SIMC1: variants seen among roughly 807,000 people sequenced by gnomAD.
SIMC1 encodes SUMO-interacting motif-containing protein 1.
SIMC1 carries 55 observed loss-of-function variants against 82.3 expected under a neutral mutation model. That is an observed-to-expected ratio of 0.67 (90% CI 0.54 to 0.84). SIMC1 has a LOEUF of 0.84. Ranked by LOEUF, SIMC1 falls within the 40% of genes least tolerant of loss-of-function variation. The pLI, the probability that SIMC1 is intolerant of heterozygous loss-of-function variation, is 0.00. For synonymous variants in SIMC1, 353 were observed against 426.3 expected (o/e 0.83, Z 2.12); for missense variants, 915 against 1,107.2 (o/e 0.83, Z 2.46).
At chr5:176,321,885 C>CTTTTTTTTTTT (rs11418187) in intron 5 of SIMC1, among the ~76,000 whole-genome samples, 37 of 90,728 alleles carry the variant, frequency 4.1e-4, no homozygotes, top group South Asian at 9.2e-4. Flanking sequence ...TTTTAGTTAG[C>CTTTTTTTTTTT]TTTTTTTTTT....
chr5:176,314,126 G>T (rs945187166), intron 5 of SIMC1, among the ~76,000 whole-genome samples: 1 of 152,134 alleles, frequency 6.6e-6, no homozygotes, highest in Non-Finnish European at 1.5e-5. Context: ...AATTAGCAGG[G>T]CGTGGTGGCG....
At chr5:176,245,736 A>G (rs189502608) in intron 1 of SIMC1, among the ~76,000 whole-genome samples, 158 of 152,254 alleles carry the variant, frequency 1.0e-3, no homozygotes, top group African/African-American at 3.4e-3. Context: ...ATAATAAACT[A>G]TGTGTGTATT....
intron 1 of SIMC1, among the ~76,000 whole-genome samples, chr5:176,268,310 G>A (rs1278671744): frequency 9.9e-6 from 1 of 101,184 alleles, no homozygotes; most frequent in Non-Finnish European, 2.0e-5. Flanking sequence ...AAGTGAACAT[G>A]TAAATAATTA....
intron 1 of SIMC1, among the ~76,000 whole-genome samples, chr5:176,285,752 C>A (rs1158607594): frequency 1.3e-5 from 2 of 152,052 alleles, no homozygotes; most frequent in Non-Finnish European, 2.9e-5. Context: ...TCGTCTCAGC[C>A]CAAAATCTCC....
At position 176,285,098 on chromosome 5, in the gene SIMC1, A is replaced by G. The variant is rs534762089; in HGVS notation, c.130-4556A>G. On this transcript the variant is annotated intron_variant, in intron 1 of 9. Coordinates refer to ENST00000429602, the MANE Select transcript of SIMC1 (RefSeq NM_001308195.2). ...TACCATTCCTTCTGAAACTATTCCA[A>G]TTGATAGAAAAAGAGGGAATCCTCC... Among the ~76,000 whole-genome samples the G allele has an allele frequency of 9.8e-5, 15 of 152,352 alleles. 3 individuals carry two copies. The highest frequency in any genetic ancestry group is 3.4e-4 in the African/African-American group (14 of 41,588).
chr5:176,280,502 C>A (rs1013049221), intron 1 of SIMC1, among the ~76,000 whole-genome samples: 2 of 151,252 alleles, frequency 1.3e-5, no homozygotes, highest in African/African-American at 4.9e-5. Flanking sequence ...TTATTTTGCT[C>A]GTTAGTTGAT....
intron 1 of SIMC1, among the ~76,000 whole-genome samples, chr5:176,255,619 C>A (rs1372401621): frequency 2.2e-5 from 3 of 138,334 alleles, no homozygotes; most frequent in East Asian, 2.1e-4. Context: ...GCTAACTTGA[C>A]TTTAAAGAGA....
At chr5:176,261,554 C>T (rs1217709089) in intron 1 of SIMC1, among the ~76,000 whole-genome samples, 2 of 151,988 alleles carry the variant, frequency 1.3e-5, no homozygotes, top group Non-Finnish European at 2.9e-5. Context: ...TGAGACCAGC[C>T]TGGCCAACAT....
At chr5:176,298,654 T>G (rs2113291052) in intron 4 of SIMC1, among the ~76,000 whole-genome samples, 1 of 152,238 alleles carries the variant, frequency 6.6e-6, no homozygotes, top group Non-Finnish European at 1.5e-5. Flanking sequence ...GGGTATACAG[T>G]ATATAAAGAT....
intron 1 of SIMC1, among the ~76,000 whole-genome samples, chr5:176,264,788 T>C (rs1377953324): frequency 6.6e-6 from 1 of 152,062 alleles, no homozygotes; most frequent in Admixed American, 6.6e-5. Context: ...GATTGTGGAC[T>C]GTGAGATTTA....
intron 1 of SIMC1, among the ~76,000 whole-genome samples, chr5:176,279,028 C>T (rs1364576170): frequency 6.6e-6 from 1 of 152,158 alleles, no homozygotes; most frequent in Non-Finnish European, 1.5e-5. Context: ...AGGAGTGGTA[C>T]CAGCTCCTCC....
intron 1 of SIMC1, among the ~76,000 whole-genome samples, chr5:176,260,326 C>T (rs1470403215): frequency 1.3e-5 from 2 of 151,834 alleles, no homozygotes; most frequent in Non-Finnish European, 2.9e-5. Flanking sequence ...GAGAAGGGGG[C>T]GAGGGATGAA....
Position 176,290,173 on chromosome 5 carries a change from C to G in SIMC1, c.649C>G (p.Gln217Glu), listed in dbSNP as rs1429122307. ...CPQQDVSRPP[Q>E]ALPCPLRPLP... ...ACAGCAAGATGTATCTCGCCCACCA[C>G]AGGCCTTGCCGTGCCCCCTGCGACC... Residue 217 changes from glutamine (Q) to glutamate (E), a missense_variant, in exon 2 of 10, where the codon CAG becomes GAG. Physicochemically the swap from Gln to Glu is conservative, Grantham distance 29. Transcript: ENST00000429602. 1.2e-6 allele frequency: 2 copies of G among 1,612,588 alleles called. No individual in the cohort carries two copies. The highest frequency in any genetic ancestry group is 3.3e-5 in the Admixed American group (2 of 59,718).
At chr5:176,294,975 A>G (rs773499973) in intron 2 of SIMC1, 55 bp from the exon 3 acceptor site, 10 of 1,507,764 alleles carry the variant, frequency 6.6e-6, no homozygotes, top group Middle Eastern at 3.6e-4. Context: ...AAAAAAAAAA[A>G]AAAAAAAAAA....
At chr5:176,282,300 G>A (rs552100595) in intron 1 of SIMC1, among the ~76,000 whole-genome samples, 1 of 152,338 alleles carries the variant, frequency 6.6e-6, no homozygotes, top group African/African-American at 2.4e-5. Context: ...CAGTATTAGG[G>A]TGGGAGTGAT....
At chr5:176,258,221 G>A (rs1761909794) in intron 1 of SIMC1, among the ~76,000 whole-genome samples, 1 of 152,068 alleles carries the variant, frequency 6.6e-6, no homozygotes, top group Non-Finnish European at 1.5e-5. Context: ...CACATAATAA[G>A]AATAGCTGGC....
chr5:176,280,770 C>T (rs1439635132), intron 1 of SIMC1, among the ~76,000 whole-genome samples: 1 of 152,178 alleles, frequency 6.6e-6, no homozygotes, highest in Non-Finnish European at 1.5e-5. Flanking sequence ...CCAGTCTCTT[C>T]CGGCTTGTAG....
chr5:176,308,416 T>C, intron 4 of SIMC1: 3 of 1,607,500 alleles, frequency 1.9e-6, no homozygotes, highest in Non-Finnish European at 2.6e-6. Flanking sequence ...ATGAGAGTTG[T>C]GGGCTGGTAT....
intron 9 of SIMC1, among the ~76,000 whole-genome samples, chr5:176,344,505 A>ACC (rs1218955463): frequency 2.2e-5 from 3 of 135,362 alleles, no homozygotes; most frequent in African/African-American, 8.1e-5. Context: ...ACACACACAC[A>ACC]CCTGAGACTG....
Sources: gnomAD v4.1 joint callset for allele counts (sites outside exome capture counted in the v4.1 genomes callset) on GRCh38, gnomAD v4.1.1 for gene constraint, MANE v1.5 for transcripts, NCBI Gene and HGNC (gene_info 2026-07-23, HGNC 2026-07-21) for gene names.